Variants in HPSE2 observed in about 807,000 individuals in gnomAD.
HPSE2 encodes heparanase 2 (inactive).
Under a neutral mutation model 60.5 loss-of-function variants are expected in HPSE2, and 38 were observed. The observed-to-expected ratio is 0.63, with a 90% confidence interval of 0.48 to 0.82. HPSE2 has a LOEUF of 0.82. Among genes scored for constraint, HPSE2 ranks in the 40% least tolerant of loss-of-function variants. The pLI is 0.00. For synonymous variants in HPSE2, 295 were observed against 293.2 expected (o/e 1.01, Z -0.06); for missense variants, 713 against 740.4 (o/e 0.96, Z 0.43).
chr10:98,843,137 G>A (rs956677410), intron 3 of HPSE2, among the ~76,000 whole-genome samples: 2 of 151,322 alleles, frequency 1.3e-5, no homozygotes, highest in African/African-American at 4.9e-5. Flanking sequence ...TCATCACCCG[G>A]GTATTAAGCC....
At chr10:98,709,502 T>G (rs1477102387) in intron 5 of HPSE2, among the ~76,000 whole-genome samples, 2 of 152,156 alleles carry the variant, frequency 1.3e-5, no homozygotes, top group South Asian at 2.1e-4. Flanking sequence ...GTCTTTGCCC[T>G]CATGCTGATC....
At chr10:99,281,050 T>C in the HPSE2 span, among the ~76,000 whole-genome samples, 2 of 152,028 alleles carry the variant, frequency 1.3e-5, no homozygotes, top group Admixed American at 1.3e-4. Context: ...CATGAGTTAT[T>C]AGAAGGATTA....
At chr10:98,939,219 A>T (rs2135143054) in intron 3 of HPSE2, among the ~76,000 whole-genome samples, 1 of 144,046 alleles carries the variant, frequency 6.9e-6, no homozygotes, top group South Asian at 2.1e-4. Context: ...TGACAGGATA[A>T]ATTCACACAT....
intron 2 of HPSE2, among the ~76,000 whole-genome samples, chr10:99,199,320 C>A (rs1848500967): frequency 6.6e-6 from 1 of 152,068 alleles, no homozygotes; most frequent in African/African-American, 2.4e-5. Flanking sequence ...TCTCCACATC[C>A]TCACCAACAG....
intron 9 of HPSE2, among the ~76,000 whole-genome samples, chr10:98,515,242 C>T (rs11189646): frequency 0.27 from 40,333 of 151,972 alleles, 6,269 homozygotes; most frequent in East Asian, 0.42. Context: ...ATCTAGATCT[C>T]CTGTGTTGCC....
chr10:99,282,056 G>A, the HPSE2 span, among the ~76,000 whole-genome samples: 32 of 152,150 alleles, frequency 2.1e-4, no homozygotes, highest in Non-Finnish European at 3.7e-4. Flanking sequence ...TCAGGAGATC[G>A]AGACCATCCT....
At chr10:98,789,630 C>T (rs1356218644) in intron 3 of HPSE2, among the ~76,000 whole-genome samples, 1 of 152,170 alleles carries the variant, frequency 6.6e-6, no homozygotes, top group Non-Finnish European at 1.5e-5. Flanking sequence ...TAGGGCTGAC[C>T]TTGGATGAGG....
intron 11 of HPSE2, among the ~76,000 whole-genome samples, chr10:98,471,147 T>A (rs751520982): frequency 1.3e-5 from 2 of 152,212 alleles, no homozygotes; most frequent in Non-Finnish European, 2.9e-5. Context: ...CAAAATGGCA[T>A]AGCGCCTGAA....
chr10:98,927,891 G>T (rs1338471523), intron 3 of HPSE2, among the ~76,000 whole-genome samples: 1 of 149,910 alleles, frequency 6.7e-6, no homozygotes, highest in African/African-American at 2.5e-5. Flanking sequence ...AACCCTAGAA[G>T]AAAATCTAGG....
intron 2 of HPSE2, among the ~76,000 whole-genome samples, chr10:99,197,620 G>A (rs1848445992): frequency 6.6e-6 from 1 of 152,126 alleles, no homozygotes; most frequent in Admixed American, 6.5e-5. Flanking sequence ...GAAGCACTTA[G>A]CAAATAGTAA....
At chr10:98,891,483 G>A (rs910728905) in intron 3 of HPSE2, among the ~76,000 whole-genome samples, 1 of 151,920 alleles carries the variant, frequency 6.6e-6, no homozygotes, top group African/African-American at 2.4e-5. Flanking sequence ...GTATCTCTCT[G>A]TGTGACCCAG....
chr10:98,789,073 C>T (rs976810862), intron 3 of HPSE2, among the ~76,000 whole-genome samples: 3 of 152,122 alleles, frequency 2.0e-5, no homozygotes, highest in South Asian at 4.1e-4. Flanking sequence ...TCTCTCTTCC[C>T]CAGTAGAATG....
intron 3 of HPSE2, among the ~76,000 whole-genome samples, chr10:99,136,353 C>T (rs1383037816): frequency 6.6e-6 from 1 of 152,080 alleles, no homozygotes; most frequent in Non-Finnish European, 1.5e-5. Context: ...CTACTCCAAA[C>T]AACAGAAAAA....
intron 9 of HPSE2, among the ~76,000 whole-genome samples, chr10:98,566,041 T>G (rs1042267738): frequency 6.6e-6 from 1 of 152,142 alleles, no homozygotes; most frequent in Non-Finnish European, 1.5e-5. Context: ...ACAAGACCTT[T>G]TGCTGCAGTG....
intron 3 of HPSE2, among the ~76,000 whole-genome samples, chr10:99,066,650 G>A (rs941532215): frequency 2.0e-5 from 3 of 152,060 alleles, no homozygotes; most frequent in African/African-American, 7.2e-5. Context: ...AGAACAGTAT[G>A]GGGGAAACTG....
chr10:98,543,321 G>A (rs548438580), intron 9 of HPSE2, among the ~76,000 whole-genome samples: 86 of 152,158 alleles, frequency 5.7e-4, no homozygotes, highest in African/African-American at 1.9e-3. Context: ...AAGAGCTCCC[G>A]AAGGAAGTGC....
In HPSE2 at chr10:99,090,353, A is replaced by G. The variant is rs1050968017; in HGVS notation, c.610+53885T>C. On this transcript the variant is annotated intron_variant, in intron 3 of 11. Transcript: ENST00000370552. ...TTATTATATTCTGCAGTAATTAAAC[A>G]GTGCCTAGTACATAGTCCATCCCCA... Among the ~76,000 whole-genome samples the G allele has an allele frequency of 5.3e-5, 8 of 152,146 alleles. 1 individual carries two copies. The highest frequency in any genetic ancestry group is 2.6e-4 in the Admixed American group (4 of 15,268).
intron 3 of HPSE2, among the ~76,000 whole-genome samples, chr10:98,769,684 G>A (rs2801413): frequency 0.054 from 8,244 of 152,152 alleles, 720 homozygotes; most frequent in African/African-American, 0.18. Flanking sequence ...AGCCTCGGAA[G>A]GAAGGAGATG....
chr10:98,464,977 A>G (rs988007439), intron 11 of HPSE2, among the ~76,000 whole-genome samples: 1 of 152,220 alleles, frequency 6.6e-6, no homozygotes, highest in African/African-American at 2.4e-5. Context: ...CTCTTAGCTA[A>G]GTGAGCATAA....
Sources: allele counts gnomAD v4.1 joint callset (sites outside exome capture counted in the v4.1 genomes callset), GRCh38; gene constraint gnomAD v4.1.1; transcripts MANE v1.5; gene names NCBI Gene and HGNC (gene_info 2026-07-23, HGNC 2026-07-21).